Variants in ODAD2 observed in about 807,000 individuals in gnomAD.
ODAD2 encodes the protein outer dynein arm docking complex subunit 2.
In ODAD2, 89 loss-of-function variants were observed where a neutral mutation model predicts 106.8. That is an observed-to-expected ratio of 0.83 (90% CI 0.70 to 0.99). The LOEUF (loss-of-function observed/expected upper bound fraction) is 0.99, where lower values mean the gene tolerates loss of function less well. Ranked by LOEUF, ODAD2 falls within the 50% of genes least tolerant of loss-of-function variation. The probability of loss-of-function intolerance (pLI) is 0.00; values close to 1 mark genes in which losing one functional copy is unlikely to be tolerated. For synonymous variants in ODAD2, 404 were observed against 436.2 expected, an observed-to-expected ratio of 0.93 and a Z score of 0.92; for missense variants, 1,168 against 1,238.5, an observed-to-expected ratio of 0.94 and a Z score of 0.85.
intron 19 of ODAD2, among the ~76,000 whole-genome samples, chr10:27,852,527 G>A (rs1839335450): frequency 2.0e-5 from 3 of 151,680 alleles, no homozygotes; most frequent in Non-Finnish European, 2.9e-5. Flanking sequence ...ATGACAACAC[G>A]GAATAATAAC....
At chr10:27,885,656 A>ATTATATTATATATAAAAT (rs1842087861) in intron 17 of ODAD2, among the ~76,000 whole-genome samples, 1 of 21,292 alleles carries the variant, frequency 4.7e-5, no homozygotes, top group African/African-American at 1.1e-4. Flanking sequence ...TATTATATAT[A>ATTATATTATATATAAAAT]ATATATTATA....
At chr10:27,988,192 G>A (rs561395203) in intron 2 of ODAD2, among the ~76,000 whole-genome samples, 127 of 151,590 alleles carry the variant, frequency 8.4e-4, no homozygotes, top group African/African-American at 2.9e-3. Context: ...TTTTCAGGTT[G>A]GCCTTTAAAA....
chr10:27,852,388 T>C (rs1839322536), intron 19 of ODAD2, among the ~76,000 whole-genome samples: 1 of 152,022 alleles, frequency 6.6e-6, no homozygotes, highest in South Asian at 2.1e-4. Flanking sequence ...AGCATAAAAG[T>C]GGGGAGGGCA....
At chr10:27,864,542 G>A (rs1290024789) in intron 17 of ODAD2, among the ~76,000 whole-genome samples, 1 of 150,034 alleles carries the variant, frequency 6.7e-6, no homozygotes. Context: ...TGAGGTGAGA[G>A]CGGGGAGTGA....
rs1457621050 is a variant in ODAD2, at chr10:27,885,606, A to T, written c.2610+22057T>A. Among the ~76,000 whole-genome samples the T allele has an allele frequency of 4.2e-5, 3 of 71,854 alleles. No homozygotes were observed. The East Asian group carries it at 1.0e-3, about 24-fold the overall frequency. The allele number at this position is 71,854 out of a possible 152,430, so 47.1% of individuals were successfully genotyped here. On this transcript the variant is annotated intron_variant, in intron 17 of 19. Transcript: ENST00000305242. ...TATATAAATATAAATATATATATAAAATATATATAAATATAAATATATAAA... is the reference window on the plus strand; with the variant it reads ...TATATAAATATAAATATATATATAATATATATATAAATATAAATATATAAA...
chr10:27,932,188 T>TG (rs1188475144), intron 16 of ODAD2, among the ~76,000 whole-genome samples: 1 of 152,068 alleles, frequency 6.6e-6, no homozygotes, highest in African/African-American at 2.4e-5. Context: ...CTTCTGCCTC[T>TG]GCCTCCCAAA....
At chr10:27,986,249 C>T (rs1849867879) in intron 3 of ODAD2, among the ~76,000 whole-genome samples, 3 of 152,106 alleles carry the variant, frequency 2.0e-5, no homozygotes, top group Non-Finnish European at 2.9e-5. Context: ...ACAAAAAGAG[C>T]AGGCAGATTC....
At chr10:27,879,785 A>G (rs1270280599) in intron 17 of ODAD2, among the ~76,000 whole-genome samples, 1 of 152,234 alleles carries the variant, frequency 6.6e-6, no homozygotes, top group Non-Finnish European at 1.5e-5. Flanking sequence ...TGAATGTAAA[A>G]TATAACATTA....
At chr10:27,864,567 G>A (rs1840300449) in intron 17 of ODAD2, among the ~76,000 whole-genome samples, 1 of 150,208 alleles carries the variant, frequency 6.7e-6, no homozygotes, top group South Asian at 2.2e-4. Flanking sequence ...AGAGCGGGGA[G>A]TGAGGTGAGA....
At chr10:27,897,751 C>A (rs1388147918) in intron 17 of ODAD2, among the ~76,000 whole-genome samples, 2 of 152,096 alleles carry the variant, frequency 1.3e-5, no homozygotes, top group East Asian at 3.9e-4. Context: ...AAGCAGAGAT[C>A]TTTTTCAGGA....
intron 7 of ODAD2, among the ~76,000 whole-genome samples, chr10:27,976,277 G>A (rs1392190782): frequency 6.6e-6 from 1 of 152,068 alleles, no homozygotes; most frequent in Non-Finnish European, 1.5e-5. Flanking sequence ...AAACTGTTGA[G>A]ATTGGGAAGG....
intron 17 of ODAD2, among the ~76,000 whole-genome samples, chr10:27,885,571 TATATATAAATATATAA>T (rs1445022237): frequency 1.5e-5 from 1 of 67,716 alleles, no homozygotes; most frequent in African/African-American, 6.0e-5. Context: ...TAAATATATA[TATATATAAATATATAA>T]ATATAAATAT....
At chr10:27,879,827 A>G (rs1564458748) in intron 17 of ODAD2, among the ~76,000 whole-genome samples, 1 of 152,200 alleles carries the variant, frequency 6.6e-6, no homozygotes, top group Non-Finnish European at 1.5e-5. Context: ...ATCTTTATGA[A>G]TGCTCTCCTA....
At chr10:27,932,079 C>T (rs755266870) in intron 16 of ODAD2, among the ~76,000 whole-genome samples, 8 of 151,998 alleles carry the variant, frequency 5.3e-5, no homozygotes, top group South Asian at 4.2e-4. Flanking sequence ...GGACTACAGG[C>T]GCACACCCTC....
intron 15 of ODAD2, among the ~76,000 whole-genome samples, chr10:27,935,855 CACACACAAAT>C (rs1284136190): frequency 6.6e-6 from 1 of 151,458 alleles, no homozygotes; most frequent in Non-Finnish European, 1.5e-5. Context: ...TATATATATA[CACACACAAAT>C]ACACACACAT....
intron 17 of ODAD2, among the ~76,000 whole-genome samples, chr10:27,863,993 G>C (rs1840256242): frequency 6.6e-6 from 1 of 152,090 alleles, no homozygotes; most frequent in African/African-American, 2.4e-5. Context: ...CCCCTGAAGA[G>C]GCTGAAGTGT....
Position 27,995,186 on chromosome 10 carries a change from T to A in ODAD2, c.-38-6A>T, listed in dbSNP as rs1422725055. On this transcript the variant is annotated splice_region_variant and splice_polypyrimidine_tract_variant and intron_variant, in intron 1 of 19. Transcript: ENST00000305242. ...ACCTGAGCTTAGCACACGCACTACA[T>A]CAGAGCAGAAAGAGAAAGAGACAAC... The A allele has an allele frequency of 1.2e-6, 2 of 1,602,232 alleles. No individual in the cohort carries two copies. The highest frequency in any genetic ancestry group is 1.7e-6 in the Non-Finnish European group (2 of 1,173,074).
intron 16 of ODAD2, among the ~76,000 whole-genome samples, chr10:27,918,692 A>C (rs1844563702): frequency 6.6e-6 from 1 of 151,914 alleles, no homozygotes; most frequent in South Asian, 2.1e-4. Context: ...GGCCTGCCTA[A>C]TAAAGCACAC....
intron 19 of ODAD2, among the ~76,000 whole-genome samples, chr10:27,834,079 G>A (rs72799641): frequency 3.3e-5 from 5 of 152,164 alleles, no homozygotes; most frequent in Admixed American, 1.3e-4. Context: ...TGGACATCCC[G>A]GTGTGTCACT....
Sources: allele counts gnomAD v4.1 joint callset (sites outside exome capture counted in the v4.1 genomes callset), GRCh38; gene constraint gnomAD v4.1.1; transcripts MANE v1.5; gene names NCBI Gene and HGNC (gene_info 2026-07-23, HGNC 2026-07-21).